Variants in TAX1BP1 observed in about 807,000 individuals in gnomAD.
TAX1BP1 encodes the protein Tax1 binding protein 1, also known as tax1-binding protein 1.
TAX1BP1 carries 62 observed loss-of-function variants against 97.7 expected under a neutral mutation model. The observed-to-expected ratio is 0.63, with a 90% CI of 0.52 to 0.78. The LOEUF (loss-of-function observed/expected upper bound fraction) is 0.78, where lower values mean the gene tolerates loss of function less well. Among genes scored for constraint, TAX1BP1 ranks in the 30% least tolerant of loss-of-function variants. The pLI is 0.00. For missense variants in TAX1BP1, 867 were observed against 916.1 expected (o/e 0.95, Z 0.69); for synonymous variants, 340 against 304.2 (o/e 1.12, Z -1.23).
Position 27,829,577 on chromosome 7 carries a change from T to G in TAX1BP1, c.*748T>G, listed in dbSNP as rs2128328530. The G allele has an allele frequency of 6.6e-6, 1 of 152,294 alleles. No homozygotes were observed. The highest frequency in any genetic ancestry group is 6.5e-5 in the Admixed American group (1 of 15,296). 9.4% of individuals were successfully genotyped at this position (152,294 alleles called of 1,614,324 possible). Reference sequence around the variant, plus strand: ...AACAGGGGTGTTTGTGGCATAAAAATCATAGAATATATATCAGTATCTTTT... The same window carrying G: ...AACAGGGGTGTTTGTGGCATAAAAAGCATAGAATATATATCAGTATCTTTT... On this transcript the variant is annotated 3_prime_UTR_variant, in exon 17 of 17. Transcript: ENST00000396319.
intron 5 of TAX1BP1, 88 bp downstream of exon 5, chr7:27,769,922 G>A: frequency 7.6e-7 from 1 of 1,311,288 alleles, no homozygotes; most frequent in South Asian, 1.3e-5. Context: ...TTAAGTAAGT[G>A]AAAACCAGGT....
chr7:27,801,242 A>ATTTTT (rs33986454), intron 13 of TAX1BP1, among the ~76,000 whole-genome samples: 3 of 145,916 alleles, frequency 2.1e-5, no homozygotes, highest in Non-Finnish European at 4.5e-5. Context: ...TATAATTTAC[A>ATTTTT]TTTTTTTTTT....
intron 12 of TAX1BP1, among the ~76,000 whole-genome samples, chr7:27,796,784 C>G (rs541772686): frequency 7.2e-5 from 11 of 151,900 alleles, no homozygotes; most frequent in African/African-American, 2.4e-4. Context: ...TCACTTGAAC[C>G]CGGGAGGCGG....
chr7:27,800,154 A>G (rs1790077866), intron 13 of TAX1BP1, 64 bp downstream of exon 13: 1 of 1,403,010 alleles, frequency 7.1e-7, no homozygotes, highest in East Asian at 2.5e-5. Flanking sequence ...GTTATGTATA[A>G]TTTTATTCAA....
At chr7:27,745,341 C>T (rs1787778855) in intron 1 of TAX1BP1, among the ~76,000 whole-genome samples, 1 of 152,194 alleles carries the variant, frequency 6.6e-6, no homozygotes, top group Admixed American at 6.5e-5. Context: ...TGAATTCCAA[C>T]ATTTTTGTAA....
intron 2 of TAX1BP1, among the ~76,000 whole-genome samples, chr7:27,754,636 G>A (rs768178360): frequency 2.4e-4 from 37 of 151,954 alleles, no homozygotes; most frequent in Admixed American, 6.6e-4. Context: ...GCAGTGGTGC[G>A]ATCTTGGCTC....
intron 1 of TAX1BP1, among the ~76,000 whole-genome samples, chr7:27,742,019 C>G (rs1046773839): frequency 6.6e-6 from 1 of 152,216 alleles, no homozygotes; most frequent in African/African-American, 2.4e-5. Flanking sequence ...TATTGCTGCC[C>G]ACATGTCCCA....
chr7:27,814,304 C>T (rs886304374), intron 13 of TAX1BP1, among the ~76,000 whole-genome samples: 7 of 152,124 alleles, frequency 4.6e-5, no homozygotes, highest in African/African-American at 1.7e-4. Context: ...GAGTTACAGG[C>T]ATAAGCCATC....
chr7:27,765,807 T>A, intron 3 of TAX1BP1, 27 bp from the exon 4 acceptor site: 2 of 1,568,734 alleles, frequency 1.3e-6, no homozygotes, highest in Non-Finnish European at 1.7e-6. Context: ...GGAAGTTTAA[T>A]AATTTTGTTT....
chr7:27,793,303 T>C, intron 10 of TAX1BP1, 91 bp downstream of exon 10: 2 of 1,122,780 alleles, frequency 1.8e-6, no homozygotes, highest in Non-Finnish European at 2.4e-6. Flanking sequence ...ATCAACCTTT[T>C]AAATATTATT....
intron 10 of TAX1BP1, 124 bp downstream of exon 10, chr7:27,793,336 A>G (rs1789791698): frequency 2.3e-6 from 2 of 885,228 alleles, no homozygotes; most frequent in African/African-American, 1.8e-5. Context: ...ATTTCAAGTC[A>G]TTGGCCAAAT....
chr7:27,813,346 TTTTC>T (rs999309399), intron 13 of TAX1BP1, among the ~76,000 whole-genome samples: 1 of 151,104 alleles, frequency 6.6e-6, no homozygotes, highest in Non-Finnish European at 1.5e-5. Context: ...TTTTCTTTTC[TTTTC>T]TTTTTTTTTT....
chr7:27,779,844 C>T (rs915637763), intron 5 of TAX1BP1, among the ~76,000 whole-genome samples: 6 of 152,010 alleles, frequency 3.9e-5, no homozygotes, highest in African/African-American at 9.7e-5. Context: ...TTTATGTCTT[C>T]GTGATAGAAA....
chr7:27,775,384 A>G (rs184802486), intron 5 of TAX1BP1, among the ~76,000 whole-genome samples: 38 of 152,334 alleles, frequency 2.5e-4, no homozygotes, highest in Admixed American at 2.4e-3. Flanking sequence ...CATTGATAAT[A>G]CAATTGAAGG....
intron 4 of TAX1BP1, among the ~76,000 whole-genome samples, chr7:27,767,104 A>C (rs567045829): frequency 6.6e-6 from 1 of 152,250 alleles, no homozygotes; most frequent in East Asian, 1.9e-4. Context: ...TTCTCATTTT[A>C]AGATCACATT....
chr7:27,747,010 T>A (rs1242331917), intron 1 of TAX1BP1, among the ~76,000 whole-genome samples: 1 of 152,238 alleles, frequency 6.6e-6, no homozygotes, highest in African/African-American at 2.4e-5. Context: ...CAATAAGCCT[T>A]CTTACTAATG....
At chr7:27,790,475 A>G (rs1789662711) in intron 8 of TAX1BP1, among the ~76,000 whole-genome samples, 1 of 151,832 alleles carries the variant, frequency 6.6e-6, no homozygotes, top group Non-Finnish European at 1.5e-5. Flanking sequence ...AAAATGTTCT[A>G]TTGATTTTTT....
intron 3 of TAX1BP1, among the ~76,000 whole-genome samples, chr7:27,761,706 G>A (rs917629560): frequency 2.0e-5 from 3 of 152,210 alleles, no homozygotes; most frequent in African/African-American, 4.8e-5. Flanking sequence ...TTGAATGGAT[G>A]TATCATAGTT....
At chr7:27,751,168 G>GT (rs1308850019) in intron 2 of TAX1BP1, among the ~76,000 whole-genome samples, 1 of 151,956 alleles carries the variant, frequency 6.6e-6, no homozygotes, top group Non-Finnish European at 1.5e-5. Context: ...TTTAAGGATT[G>GT]TAAGTTTTCT....
Sources: gnomAD v4.1 joint callset for allele counts (sites outside exome capture counted in the v4.1 genomes callset) on GRCh38, gnomAD v4.1.1 for gene constraint, MANE v1.5 for transcripts, NCBI Gene and HGNC (gene_info 2026-07-23, HGNC 2026-07-21) for gene names.